The following LRRC31 variants were observed in gnomAD, a reference collection of about 807,000 sequenced individuals.
LRRC31 encodes the protein leucine rich repeat containing 31, also known as leucine-rich repeat-containing protein 31.
A neutral mutation model predicts 46.7 loss-of-function variants in LRRC31; 35 were observed. The ratio of observed to expected loss-of-function variants is 0.75; its 90% CI spans 0.57 to 0.99. The LOEUF is 0.99. Ranked by LOEUF, LRRC31 falls within the 50% of genes least tolerant of loss-of-function variation. The probability of loss-of-function intolerance (pLI) is 0.00; values close to 1 mark genes in which losing one functional copy is unlikely to be tolerated. For missense variants in LRRC31, 613 were observed against 626.1 expected (o/e 0.98, Z 0.22); for synonymous variants, 236 against 235.1 (o/e 1.00, Z -0.03).
intron 6 of LRRC31, among the ~76,000 whole-genome samples, chr3:169,852,400 C>A: frequency 1.3e-5 from 1 of 77,650 alleles, no homozygotes; most frequent in African/African-American, 5.1e-5. Flanking sequence ...GAGACTCCGT[C>A]TCAAAAAAAA....
At chr3:169,858,082 G>T (rs1781027214) in intron 3 of LRRC31, among the ~76,000 whole-genome samples, 2 of 152,090 alleles carry the variant, frequency 1.3e-5, no homozygotes, top group Non-Finnish European at 2.9e-5. Context: ...TAACAATTTT[G>T]AAATGCCTTC....
At position 169,844,255 on chromosome 3, in the gene LRRC31, T is replaced by A. The variant is rs558513954; in HGVS notation, c.1327+3865A>T. Among the ~76,000 whole-genome samples the A allele has an allele frequency of 2.5e-3, 381 of 152,274 alleles. 2 individuals carry two copies. The highest frequency in any genetic ancestry group is 8.1e-3 in the African/African-American group (337 of 41,552). On this transcript the variant is annotated intron_variant, in intron 8 of 8. Coordinates refer to ENST00000316428, the MANE Select transcript of LRRC31 (RefSeq NM_024727.4). ...AACGCTATATAAACAAGATAATACA[T>A]AATGACCATGACCAGGCTGATTTAA... is the stretch of plus-strand genomic sequence containing the variant.
chr3:169,857,415 C>CATATATACATACATATATATAT (rs144038208), intron 3 of LRRC31, among the ~76,000 whole-genome samples: 1 of 98,674 alleles, frequency 1.0e-5, no homozygotes, highest in Non-Finnish European at 2.1e-5. Context: ...TATACATATA[C>CATATATACATACATATATATAT]ATATATATAT....
chr3:169,853,510 A>G (rs769563581), intron 6 of LRRC31: 35 of 985,560 alleles, frequency 3.6e-5, no homozygotes, highest in Non-Finnish European at 4.2e-5. Context: ...TGAGGAGCAA[A>G]ATGAGATGTG....
chr3:169,856,241 T>TGCTATATTTC, intron 5 of LRRC31, 95 bp downstream of exon 5: 1 of 610,906 alleles, frequency 1.6e-6, no homozygotes, highest in Non-Finnish European at 2.2e-6. Flanking sequence ...GTTTATATTT[T>TGCTATATTTC]GCTATATTTC....
intron 7 of LRRC31, among the ~76,000 whole-genome samples, chr3:169,849,330 C>T (rs563232885): frequency 6.6e-6 from 1 of 152,176 alleles, no homozygotes; most frequent in East Asian, 1.9e-4. Flanking sequence ...TTACTTAATT[C>T]AAATTGAATG....
In LRRC31 at chr3:169,848,202, C is replaced by T. The variant is rs1404337663; in HGVS notation, c.1245G>A (p.Leu415=). ...KCVGGNLKLL[L]ETLKLSMSLQ... ...GAGACATGGAAAGCTTTAGTGTTTCCAGAAGCAGCTTCAAGTTGCCACCAA... is the reference window on the plus strand; with the variant it reads ...GAGACATGGAAAGCTTTAGTGTTTCTAGAAGCAGCTTCAAGTTGCCACCAA... The change falls in exon 8 of 9, where the codon CTG becomes CTA. Residue 415 remains leucine (L), a synonymous_variant. Transcript: ENST00000316428. 1 of 1,614,198 alleles carries T rather than the reference C, an allele frequency of 6.2e-7. No homozygotes were observed. The highest frequency in any genetic ancestry group is 2.2e-5 in the East Asian group (1 of 44,892).
At chr3:169,861,399 G>GA (rs950840856) in intron 2 of LRRC31, among the ~76,000 whole-genome samples, 2 of 147,992 alleles carry the variant, frequency 1.4e-5, no homozygotes, top group African/African-American at 5.0e-5. Flanking sequence ...AAAGAAAAAA[G>GA]AAAAAACCTA....
At chr3:169,860,802 A>G (rs1781130325) in intron 2 of LRRC31, 74 bp from the exon 3 acceptor site, 1 of 1,439,912 alleles carries the variant, frequency 6.9e-7, no homozygotes, top group African/African-American at 1.4e-5. Context: ...TGCAATGCTT[A>G]CATACACAGG....
chr3:169,864,093 A>G (rs1386482954), intron 1 of LRRC31, among the ~76,000 whole-genome samples: 2 of 151,360 alleles, frequency 1.3e-5, no homozygotes, highest in African/African-American at 4.9e-5. Context: ...TTTGTTTTTA[A>G]GCTTTTTATC....
chr3:169,857,120 T>C lies in LRRC31; in HGVS notation c.488-248A>G, dbSNP rs145971134. On this transcript the variant is annotated intron_variant, in intron 3 of 8. Transcript: ENST00000316428. Reference sequence around the variant, plus strand: ...GAAGCCATGCGTATGAGCTAAACAATTGTTGTTGTAGAAAAATCCACCTAT... The same window carrying C: ...GAAGCCATGCGTATGAGCTAAACAACTGTTGTTGTAGAAAAATCCACCTAT... Among the ~76,000 whole-genome samples the C allele has an allele frequency of 6.1e-3, 933 of 151,712 alleles. 26 individuals are homozygous for C. Among genetic ancestry groups the C allele is most frequent in the Admixed American group, 0.044 (670 of 15,196 alleles).
chr3:169,861,284 G>A (rs866976882), intron 2 of LRRC31, among the ~76,000 whole-genome samples: 7 of 150,204 alleles, frequency 4.7e-5, no homozygotes, highest in Non-Finnish European at 1.0e-4. Flanking sequence ...GGCCAGGCTC[G>A]TCTTCAACTC....
At position 169,856,444 on chromosome 3, in the gene LRRC31, T is replaced by C. The variant is rs1302622103; in HGVS notation, c.715A>G (p.Ile239Val). ...GCAATACTGTTCAGACTGCCAACAA[T>C]GTCTCTGTTAATGGAAAGATCAAGT... ...EVLDLSINRD[I>V]VGSLNSIAQG... Residue 239 changes from isoleucine (I) to valine (V), a missense_variant, in exon 5 of 9, where the codon ATT becomes GTT. Transcript: ENST00000316428. The C allele has an allele frequency of 1.2e-6, 2 of 1,606,768 alleles. No homozygotes were observed. The highest frequency in any genetic ancestry group is 1.3e-5 in the African/African-American group (1 of 74,580).
At chr3:169,857,981 A>G (rs945372206) in intron 3 of LRRC31, among the ~76,000 whole-genome samples, 2 of 152,088 alleles carry the variant, frequency 1.3e-5, no homozygotes, top group Admixed American at 6.6e-5. Context: ...TCAGGGAGAA[A>G]GAGCTCATGA....
chr3:169,866,409 C>T (rs564809178), intron 1 of LRRC31, among the ~76,000 whole-genome samples: 9 of 152,192 alleles, frequency 5.9e-5, no homozygotes, highest in African/African-American at 2.2e-4. Context: ...GGGATGACCC[C>T]GGCTTGGTTT....
chr3:169,840,032 C>G lies in LRRC31; in HGVS notation c.1609G>C (p.Asp537His). 6.2e-7 allele frequency: 1 copy of G among 1,613,768 alleles called. No homozygotes were observed. The highest frequency in any genetic ancestry group is 8.5e-7 in the Non-Finnish European group (1 of 1,179,944). ...TGAATGCTTCTTTTTTTATCTTGGT[C>G]AAAGCATTCTAGTTCTTCCTCCTGT... ...ASQEEELECF[D>H]QDKKRSIHFD... Residue 537 changes from aspartate to histidine, a missense_variant, in exon 9 of 9, where the codon GAC (aspartate) becomes CAC (histidine). Coordinates refer to ENST00000316428, the MANE Select transcript of LRRC31 (RefSeq NM_024727.4).
At position 169,839,890 on chromosome 3, in the gene LRRC31, G is replaced by A. The variant is rs1780394012; in HGVS notation, c.*92C>T. On this transcript the variant is annotated 3_prime_UTR_variant, in exon 9 of 9. Coordinates refer to ENST00000316428, the MANE Select transcript of LRRC31 (RefSeq NM_024727.4). ...AATATAAGTCCCATTAAATGGCCCA[G>A]AAGTTGAAATTCAGTTCATGACTCT... 1 of 869,538 alleles carries A rather than the reference G, an allele frequency of 1.2e-6. No homozygotes were observed. The highest frequency in any genetic ancestry group is 1.8e-5 in the South Asian group (1 of 54,796). 53.9% of individuals were successfully genotyped at this position (869,538 alleles called of 1,614,324 possible).
In LRRC31 at chr3:169,857,345, T is replaced by TACAC. The variant is rs1180073387; in HGVS notation, c.488-477_488-474dup. On this transcript the variant is annotated intron_variant, in intron 3 of 8. Coordinates refer to ENST00000316428, the MANE Select transcript of LRRC31 (RefSeq NM_024727.4). ...ATATATATATATATATATATATATA[T>TACAC]ACACACACACACACACACACACACA... 1.6e-3 allele frequency among the ~76,000 whole-genome samples: 139 copies of TACAC among 89,192 alleles called. 1 individual carries two copies. Among genetic ancestry groups the TACAC allele is most frequent in the Middle Eastern group, 5.5e-3 (1 of 182 alleles). 58.5% of individuals were successfully genotyped at this position (89,192 alleles called of 152,430 possible). A position where few individuals can be genotyped will look rare whatever the true frequency, so the allele number is the denominator to read the frequency against.
intron 6 of LRRC31, among the ~76,000 whole-genome samples, chr3:169,852,009 A>C (rs1338016962): frequency 6.6e-6 from 1 of 152,040 alleles, no homozygotes; most frequent in Non-Finnish European, 1.5e-5. Flanking sequence ...CTGTGGAGAC[A>C]GAGAAGTAGA....
Sources: allele counts gnomAD v4.1 joint callset (sites outside exome capture counted in the v4.1 genomes callset), GRCh38; gene constraint gnomAD v4.1.1; transcripts MANE v1.5; gene names NCBI Gene and HGNC (gene_info 2026-07-23, HGNC 2026-07-21).